Variants in VAC14 observed in about 807,000 individuals in gnomAD.
The protein encoded by VAC14 is VAC14 component of PIKFYVE complex.
Under a neutral mutation model 85.3 loss-of-function variants are expected in VAC14, and 47 were observed. That is an observed-to-expected ratio of 0.55 (90% CI 0.44 to 0.70). The LOEUF is 0.70. Among genes scored for constraint, VAC14 ranks in the 30% least tolerant of loss-of-function variants. VAC14 has a pLI of 0.00. For synonymous variants in VAC14, 447 were observed against 430.5 expected, an observed-to-expected ratio of 1.04 and a Z score of -0.47; for missense variants, 861 against 1,004.3, an observed-to-expected ratio of 0.86 and a Z score of 1.93.
chr16:70,712,068 G>A (rs1049726202), intron 14 of VAC14, among the ~76,000 whole-genome samples: 1 of 151,996 alleles, frequency 6.6e-6, no homozygotes, highest in African/African-American at 2.4e-5. Flanking sequence ...TCTCCTATTT[G>A]TACCCTCCCC....
At chr16:70,785,597 G>T in intron 3 of VAC14, 105 bp downstream of exon 3, 1 of 1,365,548 alleles carries the variant, frequency 7.3e-7, no homozygotes, top group Non-Finnish European at 9.8e-7. Flanking sequence ...CCACATGCTT[G>T]TTTGCTCTGC....
At chr16:70,793,192 AG>A (rs1479008991) in intron 1 of VAC14, among the ~76,000 whole-genome samples, 1 of 152,198 alleles carries the variant, frequency 6.6e-6, no homozygotes, top group Non-Finnish European at 1.5e-5. Flanking sequence ...TTCCATACAC[AG>A]GGAGTACAGA....
At chr16:70,791,329 G>A (rs949936441) in intron 1 of VAC14, among the ~76,000 whole-genome samples, 2 of 152,230 alleles carry the variant, frequency 1.3e-5, no homozygotes, top group Non-Finnish European at 2.9e-5. Context: ...ACATGTTGTC[G>A]AATGTCAGCA....
intron 1 of VAC14, among the ~76,000 whole-genome samples, chr16:70,786,884 G>A (rs192999077): frequency 6.6e-6 from 1 of 152,192 alleles, no homozygotes; most frequent in African/African-American, 2.4e-5. Flanking sequence ...CAGTCTCCTC[G>A]GGCCGTCCAG....
At chr16:70,748,775 CCT>C (rs1491348902) in intron 12 of VAC14, among the ~76,000 whole-genome samples, 1 of 152,214 alleles carries the variant, frequency 6.6e-6, no homozygotes, top group South Asian at 2.1e-4. Context: ...GGTGAAACCC[CCT>C]CTCTCCTAAA....
intron 8 of VAC14, among the ~76,000 whole-genome samples, 187 bp downstream of exon 8, chr16:70,781,682 C>A (rs993905186): frequency 2.0e-5 from 3 of 152,106 alleles, no homozygotes; most frequent in African/African-American, 7.2e-5. Flanking sequence ...GTGGGGACAG[C>A]CAGCATCAGC....
intron 13 of VAC14, among the ~76,000 whole-genome samples, chr16:70,734,368 A>T (rs946943890): frequency 6.6e-6 from 1 of 151,206 alleles, no homozygotes; most frequent in Admixed American, 6.6e-5. Flanking sequence ...CCTGGGCCCA[A>T]GGGACCCTTC....
intron 12 of VAC14, among the ~76,000 whole-genome samples, chr16:70,750,920 C>A (rs1405229678): frequency 1.3e-5 from 2 of 152,148 alleles, no homozygotes; most frequent in African/African-American, 4.8e-5. Flanking sequence ...ACCAGATTTG[C>A]AAGGTCAAGT....
In VAC14 at chr16:70,782,022, G is replaced by C; in HGVS notation, c.812-19C>G. On this transcript the variant is annotated intron_variant, in intron 7 of 18. Transcript: ENST00000261776. ...AGGTCATCTGGAAGGGGAATCAGGG[G>C]GTTCAGAGGGGCCAGCACACGCAGC... 1.2e-6 allele frequency: 2 copies of C among 1,610,932 alleles called. No homozygotes were observed. The highest frequency in any genetic ancestry group is 8.5e-7 in the Non-Finnish European group (1 of 1,177,850).
chr16:70,748,973 C>G (rs565955780), intron 12 of VAC14, among the ~76,000 whole-genome samples: 2 of 152,126 alleles, frequency 1.3e-5, no homozygotes. Context: ...AACCATAAAC[C>G]AAAAAAGAGC....
chr16:70,782,884 C>G (rs1440747962), intron 7 of VAC14, 149 bp downstream of exon 7: 4 of 743,814 alleles, frequency 5.4e-6, no homozygotes, highest in Non-Finnish European at 6.7e-6. Flanking sequence ...TCCACCTCTC[C>G]CAGGGCCCAC....
intron 10 of VAC14, chr16:70,770,836 G>A (rs2033165943): frequency 6.6e-6 from 1 of 152,222 alleles, no homozygotes; most frequent in Non-Finnish European, 1.5e-5. Flanking sequence ...CATCAACGTA[G>A]GGGACTCCTA....
intron 13 of VAC14, among the ~76,000 whole-genome samples, chr16:70,737,755 T>A (rs2054806808): frequency 6.6e-6 from 1 of 152,206 alleles, no homozygotes; most frequent in South Asian, 2.1e-4. Flanking sequence ...CGGGATGTTT[T>A]GGATTGAGTT....
chr16:70,732,340 T>C (rs991529899), intron 13 of VAC14, among the ~76,000 whole-genome samples: 1 of 152,210 alleles, frequency 6.6e-6, no homozygotes, highest in Admixed American at 6.5e-5. Context: ...AAGCCTGAGG[T>C]GACTTTCTAA....
intron 12 of VAC14, among the ~76,000 whole-genome samples, chr16:70,750,924 G>A (rs1446929016): frequency 6.6e-6 from 1 of 152,168 alleles, no homozygotes; most frequent in South Asian, 2.1e-4. Context: ...GATTTGCAAG[G>A]TCAAGTGTCG....
At position 70,762,953 on chromosome 16, in the gene VAC14, C is replaced by T. The variant is rs755708324; in HGVS notation, c.1233G>A (p.Thr411=). 5.6e-6 allele frequency: 9 copies of T among 1,614,068 alleles called. No individual in the cohort carries two copies. The highest frequency in any genetic ancestry group is 1.6e-4 in the Middle Eastern group (1 of 6,084). ...VQVLNCHLSD[T]AIGMMTRIAV... ...CAATCCTGGTCATCATCCCAATGGC[C>T]GTGTCACTGAGGTGGCAGTTTAGGA... The change falls in exon 11 of 19, where the codon ACG becomes ACA. Residue 411 remains threonine (T), a synonymous_variant. Coordinates refer to ENST00000261776, the MANE Select transcript of VAC14 (RefSeq NM_018052.5). The surrounding 1 kb of genome is among the most constrained non-coding windows in gnomAD (Gnocchi z 4.1).
At chr16:70,727,919 G>A (rs1419029243) in intron 14 of VAC14, among the ~76,000 whole-genome samples, 1 of 152,128 alleles carries the variant, frequency 6.6e-6, no homozygotes, top group African/African-American at 2.4e-5. Context: ...CGAACCAGCT[G>A]GGCCAGGTGG....
rs189019965 is a variant in VAC14 at position 70,733,927 on chromosome 16, A to G, written c.1529-2300T>C. Among the ~76,000 whole-genome samples, 8 of 152,180 alleles carry G rather than the reference A, an allele frequency of 5.3e-5. No homozygotes were observed. The East Asian group carries it at 1.5e-3, about 29-fold the overall frequency. On this transcript the variant is annotated intron_variant, in intron 13 of 18. Coordinates refer to ENST00000261776, the MANE Select transcript of VAC14 (RefSeq NM_018052.5). ...TGCAACCTCCGCCCGGGTTCAAGCA[A>G]TTCTCCTGCATCAGCCTCCCAAGTA...
intron 6 of VAC14, 105 bp downstream of exon 6, chr16:70,783,340 G>A (rs1392650295): frequency 3.4e-6 from 4 of 1,191,668 alleles, no homozygotes; most frequent in East Asian, 2.3e-5. Flanking sequence ...AGGAAGAAGA[G>A]GTGATTTCCT....
Sources: gnomAD v4.1 joint callset for allele counts (sites outside exome capture counted in the v4.1 genomes callset) on GRCh38, gnomAD v4.1.1 for gene constraint, Gnocchi (gnomAD v3.1) non-coding constraint, MANE v1.5 for transcripts, NCBI Gene and HGNC (gene_info 2026-07-23, HGNC 2026-07-21) for gene names.